Variants in PLOD2 observed in about 807,000 individuals in gnomAD.
PLOD2 encodes procollagen-lysine,2-oxoglutarate 5-dioxygenase 2.
In PLOD2, 65 loss-of-function variants were observed where a neutral mutation model predicts 101.0. That is an observed-to-expected ratio of 0.64 (90% CI 0.53 to 0.79). The LOEUF is 0.79. Ranked by LOEUF, PLOD2 falls within the 30% of genes least tolerant of loss-of-function variation. PLOD2 has a pLI of 0.00. For missense variants in PLOD2, 909 were observed against 914.6 expected (o/e 0.99, Z 0.08); for synonymous variants, 314 against 302.9 (o/e 1.04, Z -0.38).
intron 1 of PLOD2, among the ~76,000 whole-genome samples, chr3:146,124,620 TGAG>T (rs2030434621): frequency 3.3e-5 from 5 of 151,912 alleles, no homozygotes; most frequent in Middle Eastern, 3.4e-3. Flanking sequence ...ACATCACCAG[TGAG>T]GAGATCAGCA....
chr3:146,124,666 A>G (rs1189512507), intron 1 of PLOD2, among the ~76,000 whole-genome samples: 1 of 152,080 alleles, frequency 6.6e-6, no homozygotes, highest in Non-Finnish European at 1.5e-5. Context: ...ACATACACAA[A>G]AAAAACAGAT....
chr3:146,114,481 A>G (rs1468376089), intron 3 of PLOD2, among the ~76,000 whole-genome samples: 1 of 152,178 alleles, frequency 6.6e-6, no homozygotes, highest in Non-Finnish European at 1.5e-5. Flanking sequence ...GCTAACAACC[A>G]GACATACTCT....
intron 7 of PLOD2, among the ~76,000 whole-genome samples, chr3:146,099,402 C>T (rs1199006470): frequency 2.0e-5 from 3 of 152,036 alleles, no homozygotes; most frequent in African/African-American, 7.2e-5. Context: ...TCCTCAAAGA[C>T]ATTTAAATTT....
intron 12 of PLOD2, among the ~76,000 whole-genome samples, chr3:146,081,499 C>A (rs969662948): frequency 2.0e-5 from 3 of 152,108 alleles, no homozygotes; most frequent in African/African-American, 7.2e-5. Context: ...CATATATTAT[C>A]TCTTAGTATT....
At chr3:146,087,612 T>A (rs1468956513) in intron 9 of PLOD2, among the ~76,000 whole-genome samples, 1 of 151,828 alleles carries the variant, frequency 6.6e-6, no homozygotes, top group East Asian at 1.9e-4. Flanking sequence ...TCTGAAAAGC[T>A]GTTGCTTTTT....
Position 146,086,911 on chromosome 3 carries a change from G to GT in PLOD2, c.1006-4dup, listed in dbSNP as rs897230478. On this transcript the variant is annotated splice_polypyrimidine_tract_variant and splice_region_variant and intron_variant, in intron 9 of 19. Transcript: ENST00000282903. The stretch of plus-strand genomic sequence containing the variant: ...ATGTCCTTTTCATGATAAACTTCCT[G>GT]TAACATATTTTAAAAATCAAAAATT... 1.1e-5 allele frequency: 16 copies of GT among 1,485,294 alleles called. No individual in the cohort carries two copies. Among genetic ancestry groups the GT allele is most frequent in the African/African-American group, 1.4e-5 (1 of 71,826 alleles). The allele number at this position is 1,485,294 out of a possible 1,614,324, so 92.0% of individuals were successfully genotyped here.
intron 11 of PLOD2, among the ~76,000 whole-genome samples, chr3:146,083,565 G>A (rs576213237): frequency 4.6e-5 from 6 of 130,882 alleles, no homozygotes; most frequent in African/African-American, 1.7e-4. Context: ...CAGATGGCAG[G>A]TAAGTCTTTT....
intron 1 of PLOD2, among the ~76,000 whole-genome samples, chr3:146,141,540 C>G (rs1029747902): frequency 1.3e-5 from 2 of 152,062 alleles, no homozygotes; most frequent in Non-Finnish European, 2.9e-5. Context: ...GGGCTTTCAT[C>G]TTTATTCTTT....
chr3:146,159,859 TTAAAGA>T (rs1454311996), intron 1 of PLOD2, among the ~76,000 whole-genome samples: 1 of 152,194 alleles, frequency 6.6e-6, no homozygotes, highest in African/African-American at 2.4e-5. Context: ...TCTGAAACAC[TTAAAGA>T]TGAAGACAAA....
At chr3:146,096,730 G>T (rs1265128875) in intron 7 of PLOD2, among the ~76,000 whole-genome samples, 1 of 149,200 alleles carries the variant, frequency 6.7e-6, no homozygotes, top group African/African-American at 2.5e-5. Flanking sequence ...CCGCCCGGAA[G>T]CCACCCCGTC....
At chr3:146,102,912 T>A in intron 6 of PLOD2, 60 bp from the exon 7 acceptor site, 5 of 872,108 alleles carry the variant, frequency 5.7e-6, no homozygotes, top group Non-Finnish European at 9.7e-6. Flanking sequence ...TGTGTCTGTA[T>A]TCGTGTGTCT....
chr3:146,086,776 T>C lies in PLOD2; in HGVS notation c.1127+11A>G. 2.1e-6 allele frequency: 3 copies of C among 1,412,484 alleles called. No homozygotes were observed. Among genetic ancestry groups the C allele is most frequent in the South Asian group, 1.5e-5 (1 of 68,318 alleles). 87.5% of individuals were successfully genotyped at this position (1,412,484 alleles called of 1,614,324 possible). ...AATAATTTAATTTAATTTTAATTTA[T>C]TAAAACATACATTCCCATGTTTCTG... is the stretch of plus-strand genomic sequence containing the variant. On this transcript the variant is annotated intron_variant, in intron 10 of 19. Transcript: ENST00000282903.
chr3:146,137,130 C>A (rs919894473), intron 1 of PLOD2, among the ~76,000 whole-genome samples: 1 of 152,112 alleles, frequency 6.6e-6, no homozygotes, highest in South Asian at 2.1e-4. Flanking sequence ...AGATGACCTG[C>A]GATTTTTTAA....
intron 4 of PLOD2, among the ~76,000 whole-genome samples, chr3:146,109,588 A>T (rs576779721): frequency 6.6e-6 from 1 of 152,308 alleles, no homozygotes; most frequent in Non-Finnish European, 1.5e-5. Flanking sequence ...TGTTTCTCTA[A>T]CATGTCCTTC....
intron 1 of PLOD2, among the ~76,000 whole-genome samples, chr3:146,144,998 A>G (rs1424757984): frequency 6.6e-6 from 1 of 152,128 alleles, no homozygotes; most frequent in Non-Finnish European, 1.5e-5. Flanking sequence ...CTCTTAAACG[A>G]AGTTATGCCA....
At chr3:146,095,252 A>C (rs570525977) in intron 7 of PLOD2, among the ~76,000 whole-genome samples, 2 of 152,298 alleles carry the variant, frequency 1.3e-5, no homozygotes, top group East Asian at 1.9e-4. Flanking sequence ...TCTGCTCTGC[A>C]AAAGAAACCA....
intron 1 of PLOD2, among the ~76,000 whole-genome samples, chr3:146,154,424 C>A (rs1324618207): frequency 6.6e-6 from 1 of 150,490 alleles, no homozygotes. Context: ...CATGAACTTG[C>A]ACAGAAACTG....
At chr3:146,123,182 A>C in intron 2 of PLOD2, 8 of 295,774 alleles carry the variant, frequency 2.7e-5, no homozygotes, top group South Asian at 4.4e-5. Flanking sequence ...AATATACTAC[A>C]TACTCAAATG....
At chr3:146,136,516 G>C (rs1392605618) in intron 1 of PLOD2, among the ~76,000 whole-genome samples, 1 of 152,072 alleles carries the variant, frequency 6.6e-6, no homozygotes, top group African/African-American at 2.4e-5. Flanking sequence ...TGAGACTTGG[G>C]TCCCATCCCC....
Sources: allele counts gnomAD v4.1 joint callset (sites outside exome capture counted in the v4.1 genomes callset), GRCh38; gene constraint gnomAD v4.1.1; transcripts MANE v1.5; gene names NCBI Gene and HGNC (gene_info 2026-07-23, HGNC 2026-07-21).